FHL1: variants seen among roughly 807,000 people sequenced by gnomAD.
FHL1 encodes four and a half LIM domains 1, also known as four and a half LIM domains protein 1.
FHL1 carries 1 observed loss-of-function variant against 20.3 expected under a neutral mutation model. That is an observed-to-expected ratio of 0.05 (90% CI 0.02 to 0.23). The LOEUF (loss-of-function observed/expected upper bound fraction) is 0.23. Ranked by LOEUF, FHL1 falls within the 10% of genes least tolerant of loss-of-function variation. The probability of loss-of-function intolerance (pLI) is 1.00; values close to 1 mark genes in which losing one functional copy is unlikely to be tolerated. For missense variants in FHL1, 177 were observed against 234.0 expected (o/e 0.76, Z 1.59); for synonymous variants, 82 against 88.9 (o/e 0.92, Z 0.44).
chrX:136,166,717 C>G (rs1051973499), upstream of FHL1, among the ~76,000 whole-genome samples: 1 of 112,196 alleles, frequency 8.9e-6, no homozygotes, highest in Admixed American at 9.5e-5. Flanking sequence ...GTGACAGATT[C>G]AGGTTTGAAG....
chrX:136,174,056 A>AT (rs2072941026), intron 2 of FHL1, among the ~76,000 whole-genome samples: 1 of 111,662 alleles, frequency 9.0e-6, no homozygotes, highest in African/African-American at 3.3e-5. Flanking sequence ...CTCTGGCAGT[A>AT]TCTGTAATCT....
At chrX:136,170,047 G>T (rs913514656) in intron 2 of FHL1, 1 of 308,000 alleles carries the variant, frequency 3.2e-6, no homozygotes, top group African/African-American at 3.0e-5. Flanking sequence ...GGTATTAGGG[G>T]CGGCATTGTA....
intron 2 of FHL1, among the ~76,000 whole-genome samples, chrX:136,186,864 AAATATAT>A (rs1314606431): frequency 1.3e-4 from 1 of 7,788 alleles, no homozygotes. Context: ...AAAAAAAAAA[AAATATAT>A]ATATATATAT....
chrX:136,147,555 C>G (rs2072131755), exon 1 of FHL1: 1 of 110,010 alleles, frequency 9.1e-6, no homozygotes. Context: ...CCGCCGCCAC[C>G]GCCGCGCCTC....
At chrX:136,178,701 G>T (rs1923487748) in intron 2 of FHL1, among the ~76,000 whole-genome samples, 2 of 111,517 alleles carry the variant, frequency 1.8e-5, no homozygotes, top group African/African-American at 6.5e-5. Flanking sequence ...TGAGGTCTTT[G>T]TGAGTCTGTG....
chrX:136,185,807 C>G (rs968805808), intron 2 of FHL1, among the ~76,000 whole-genome samples: 2 of 111,798 alleles, frequency 1.8e-5, no homozygotes, highest in African/African-American at 6.5e-5. Context: ...ATTTATATAA[C>G]GAACGTGGAT....
At chrX:136,160,422 T>G (rs1387348481) in intron 1 of FHL1, among the ~76,000 whole-genome samples, 5 of 111,763 alleles carry the variant, frequency 4.5e-5, no homozygotes, top group South Asian at 3.7e-4. Context: ...TGTTTAGTTT[T>G]TTTGTTTGTT....
At chrX:136,195,074 T>C (rs1397443719), upstream of FHL1, among the ~76,000 whole-genome samples, 1 of 112,483 alleles carries the variant, frequency 8.9e-6, no homozygotes, top group Non-Finnish European at 1.9e-5. Flanking sequence ...TGTCTTTGAA[T>C]TTTCTCTTGT....
chrX:136,180,940 C>T (rs894928368), intron 2 of FHL1, among the ~76,000 whole-genome samples: 2 of 111,624 alleles, frequency 1.8e-5, no homozygotes, highest in Admixed American at 1.9e-4. Flanking sequence ...CGGGGTTTTG[C>T]CATGTTGGCC....
intron 1 of FHL1, among the ~76,000 whole-genome samples, chrX:136,201,201 A>G (rs745309281): frequency 8.9e-6 from 1 of 112,425 alleles, no homozygotes; most frequent in Non-Finnish European, 1.9e-5. Flanking sequence ...GAATGAAAGT[A>G]AAGTACATTT....
intron 1 of FHL1, among the ~76,000 whole-genome samples, chrX:136,201,217 A>G (rs1487174713): frequency 8.9e-6 from 1 of 112,272 alleles, no homozygotes; most frequent in Non-Finnish European, 1.9e-5. Flanking sequence ...CATTTAGAAG[A>G]TGACCAAGCA....
intron 1 of FHL1, among the ~76,000 whole-genome samples, chrX:136,160,524 G>A (rs984426856): frequency 2.7e-5 from 3 of 111,457 alleles, no homozygotes; most frequent in Admixed American, 9.5e-5. Context: ...CCTCCTGGGC[G>A]CAAACAATCC....
rs1217393486 is a variant in FHL1, at chrX:136,210,606, T to C, written c.*581T>C. ...ATTAACATTTGAACTTAGCTGTAAT[T>C]CTAAACTGACCTTTCCCCGTACTAA... is the stretch of plus-strand genomic sequence containing the variant. On this transcript the variant is annotated 3_prime_UTR_variant, in exon 6 of 6. Coordinates refer to ENST00000370683, the MANE Select transcript of FHL1 (RefSeq NM_001159699.2). 3 of 389,132 alleles carry C rather than the reference T, an allele frequency of 7.7e-6. No homozygotes were observed. Among genetic ancestry groups the C allele is most frequent in the African/African-American group, 7.4e-5 (3 of 40,780 alleles). The allele number at this position is 389,132 out of a possible 1,213,427, so 32.1% of individuals were successfully genotyped here. A position where few individuals can be genotyped will look rare whatever the true frequency, so the allele number is the denominator to read the frequency against.
intron 1 of FHL1, among the ~76,000 whole-genome samples, chrX:136,162,082 C>T (rs1471374410): frequency 1.0e-5 from 1 of 98,909 alleles, no homozygotes; most frequent in Non-Finnish European, 2.0e-5. Flanking sequence ...GAGATTGTGC[C>T]ACTCCACTCC....
At chrX:136,190,877 T>C (rs2073416866) in intron 2 of FHL1, among the ~76,000 whole-genome samples, 1 of 111,791 alleles carries the variant, frequency 8.9e-6, no homozygotes, top group Admixed American at 9.5e-5. Flanking sequence ...CTTTTCCATC[T>C]ATAAAATGAG....
intron 1 of FHL1, among the ~76,000 whole-genome samples, chrX:136,154,793 G>T (rs5930883): frequency 2.8e-5 from 3 of 108,019 alleles, no homozygotes; most frequent in African/African-American, 1.0e-4. Context: ...TGCAACCTCC[G>T]CCTCCTAGCA....
At chrX:136,208,128 G>A (rs1226887152) in intron 4 of FHL1, among the ~76,000 whole-genome samples, 167 bp downstream of exon 4, 2 of 112,342 alleles carry the variant, frequency 1.8e-5, no homozygotes, top group Non-Finnish European at 3.8e-5. Flanking sequence ...AGGAAGCAGT[G>A]CCACAGCCAA....
Position 136,206,993 on chromosome X carries a change from C to T in FHL1, c.205-23C>T, listed in dbSNP as rs369374762. The T allele has an allele frequency of 9.9e-5, 120 of 1,208,219 alleles. 1 individual carries two copies. The highest frequency in any genetic ancestry group is 1.9e-4 in the South Asian group (11 of 56,726). On this transcript the variant is annotated intron_variant, in intron 2 of 5. Transcript: ENST00000370683. ...ACCCCCAGCACCCCTCATGGTGGCCCACCCTGTCTGCTTGGTTTCCAGGAG... is the reference window on the plus strand; with the variant it reads ...ACCCCCAGCACCCCTCATGGTGGCCTACCCTGTCTGCTTGGTTTCCAGGAG...
upstream of FHL1, chrX:136,168,404 C>T (rs2072770443): frequency 8.9e-6 from 1 of 111,803 alleles, no homozygotes; most frequent in Non-Finnish European, 1.9e-5. Context: ...ATATTTCTTC[C>T]TGACACCAAG....
Sources: gnomAD v4.1 joint callset for allele counts (sites outside exome capture counted in the v4.1 genomes callset) on GRCh38, gnomAD v4.1.1 for gene constraint, MANE v1.5 for transcripts, NCBI Gene and HGNC (gene_info 2026-07-23, HGNC 2026-07-21) for gene names.